The following TNR variants were observed in gnomAD, a reference collection of about 807,000 sequenced individuals.
TNR encodes tenascin-R.
Under a neutral mutation model 150.4 loss-of-function variants are expected in TNR, and 45 were observed. That is an observed-to-expected ratio of 0.30 (90% CI 0.24 to 0.38). The LOEUF is 0.38. TNR is among the 10% of genes least tolerant of loss of function. The probability of loss-of-function intolerance (pLI) is 1.00; values close to 1 mark genes in which losing one functional copy is unlikely to be tolerated. For missense variants in TNR, 1,544 were observed against 1,759.1 expected, an observed-to-expected ratio of 0.88 and a Z score of 2.19; for synonymous variants, 687 against 678.4, an observed-to-expected ratio of 1.01 and a Z score of -0.20.
intron 20 of TNR, among the ~76,000 whole-genome samples, chr1:175,334,978 C>G (rs1650157514): frequency 2.0e-5 from 3 of 152,232 alleles, no homozygotes; most frequent in Middle Eastern, 3.4e-3. Context: ...TCTAGGCACC[C>G]AGGAGAAGAA....
At chr1:175,385,648 T>C (rs970630140) in intron 8 of TNR, among the ~76,000 whole-genome samples, 4 of 152,212 alleles carry the variant, frequency 2.6e-5, no homozygotes. Context: ...GGTAAGAATG[T>C]GTCTTGAGAA....
chr1:175,381,791 CT>C (rs1268147940), intron 8 of TNR, among the ~76,000 whole-genome samples: 1 of 152,232 alleles, frequency 6.6e-6, no homozygotes, highest in Non-Finnish European at 1.5e-5. Context: ...CTGTTGCTTC[CT>C]TTTACAAACT....
chr1:175,616,429 AG>A (rs1663778527), intron 1 of TNR, among the ~76,000 whole-genome samples: 1 of 152,034 alleles, frequency 6.6e-6, no homozygotes, highest in Non-Finnish European at 1.5e-5. Flanking sequence ...GGGTGATGCT[AG>A]GTGTGCTCTG....
intron 1 of TNR, among the ~76,000 whole-genome samples, chr1:175,637,223 C>T (rs546622735): frequency 6.6e-6 from 1 of 152,270 alleles, no homozygotes; most frequent in Non-Finnish European, 1.5e-5. Context: ...TTCTAATGAT[C>T]CCTGATAAAT....
chr1:175,561,001 C>T (rs1014747182), intron 1 of TNR, among the ~76,000 whole-genome samples: 1 of 152,130 alleles, frequency 6.6e-6, no homozygotes, highest in African/African-American at 2.4e-5. Context: ...TCATCTTTAA[C>T]GTTGCATCTT....
intron 1 of TNR, among the ~76,000 whole-genome samples, chr1:175,549,198 T>A (rs1050928516): frequency 2.0e-5 from 3 of 152,246 alleles, no homozygotes; most frequent in African/African-American, 7.2e-5. Context: ...ACATGAGGTT[T>A]ACTCATTTGG....
At chr1:175,670,139 G>A (rs562016937) in intron 1 of TNR, among the ~76,000 whole-genome samples, 3 of 152,302 alleles carry the variant, frequency 2.0e-5, no homozygotes, top group East Asian at 3.9e-4. Flanking sequence ...GCCTGCATAG[G>A]CTCCAGATTG....
intron 1 of TNR, among the ~76,000 whole-genome samples, chr1:175,644,683 C>T (rs147892063): frequency 1.1e-4 from 17 of 152,346 alleles, no homozygotes; most frequent in African/African-American, 3.4e-4. Context: ...ATTCTGTCTT[C>T]CTTCTCCTGG....
At chr1:175,395,938 G>A (rs554798546) in intron 5 of TNR, among the ~76,000 whole-genome samples, 3 of 152,112 alleles carry the variant, frequency 2.0e-5, no homozygotes, top group Non-Finnish European at 2.9e-5. Context: ...ATTGCTTTCT[G>A]TCTCCATCTC....
At chr1:175,734,219 C>T (rs1000008955) in intron 1 of TNR, among the ~76,000 whole-genome samples, 6 of 152,224 alleles carry the variant, frequency 3.9e-5, no homozygotes, top group African/African-American at 9.6e-5. Context: ...CCTCAAAATA[C>T]ACCCTTCCTG....
chr1:175,499,178 C>T (rs1312143107), intron 2 of TNR, among the ~76,000 whole-genome samples: 2 of 152,130 alleles, frequency 1.3e-5, no homozygotes, highest in Non-Finnish European at 2.9e-5. Context: ...CAAATATATA[C>T]AGAAGAGGCA....
chr1:175,701,043 C>T (rs1355425468), intron 1 of TNR, among the ~76,000 whole-genome samples: 5 of 152,242 alleles, frequency 3.3e-5, no homozygotes, highest in African/African-American at 4.8e-5. Context: ...TTTCACTCCA[C>T]GCCCCTCCAC....
intron 1 of TNR, among the ~76,000 whole-genome samples, chr1:175,589,333 T>C (rs1662701271): frequency 6.6e-6 from 1 of 152,186 alleles, no homozygotes; most frequent in South Asian, 2.1e-4. Context: ...AGGCAGATAA[T>C]AGAATAAAAA....
intron 1 of TNR, among the ~76,000 whole-genome samples, chr1:175,737,582 G>A (rs763254816): frequency 1.3e-5 from 2 of 152,148 alleles, no homozygotes; most frequent in Non-Finnish European, 2.9e-5. Context: ...TAGCCACCCT[G>A]GGTTGATAAT....
Position 175,386,286 on chromosome 1 carries a change from G to C in TNR, c.1523C>G (p.Thr508Arg), listed in dbSNP as rs762128304. The part of the protein sequence containing the change: ...ASVSTVIDGP[T>R]QILVRDVSDT... Reference sequence around the variant, plus strand: ...CGAGACATCGCGAACCAGGATCTGCGTGGGGCCGTCAATGACTGAGTGAGA... The same window carrying C: ...CGAGACATCGCGAACCAGGATCTGCCTGGGGCCGTCAATGACTGAGTGAGA... Residue 508 changes from threonine (T) to arginine (R), a missense_variant, in exon 8 of 23, where the codon ACG becomes AGG. Coordinates refer to ENST00000367674, the MANE Select transcript of TNR (RefSeq NM_003285.3). 2.5e-6 allele frequency: 4 copies of C among 1,569,402 alleles called. No individual in the cohort carries two copies. The highest frequency in any genetic ancestry group is 3.5e-6 in the Non-Finnish European group (4 of 1,151,660).
chr1:175,530,258 G>T (rs1207897390), intron 1 of TNR, among the ~76,000 whole-genome samples: 4 of 152,154 alleles, frequency 2.6e-5, no homozygotes, highest in African/African-American at 4.8e-5. Flanking sequence ...CCTGGGGGAA[G>T]TACAGGAAGT....
At chr1:175,696,217 GTTTTTTTTTTTTTTTTT>G (rs5778870) in intron 1 of TNR, among the ~76,000 whole-genome samples, 2 of 40,460 alleles carry the variant, frequency 4.9e-5, no homozygotes, top group African/African-American at 1.5e-4. Context: ...CCTTCCTGTA[GTTTTTTTTTTTTTTTTT>G]TTTTTTTTTT....
At chr1:175,689,833 C>A (rs897120662) in intron 1 of TNR, among the ~76,000 whole-genome samples, 1 of 152,220 alleles carries the variant, frequency 6.6e-6, no homozygotes, top group Non-Finnish European at 1.5e-5. Flanking sequence ...CAGAGGGTTT[C>A]TTTCTCACTA....
intron 18 of TNR, among the ~76,000 whole-genome samples, chr1:175,342,294 A>C (rs1006272493): frequency 4.6e-5 from 7 of 152,206 alleles, no homozygotes; most frequent in African/African-American, 1.7e-4. Flanking sequence ...GGGATAGGGC[A>C]AAGGGTGACA....
Sources: allele counts gnomAD v4.1 joint callset (sites outside exome capture counted in the v4.1 genomes callset), GRCh38; gene constraint gnomAD v4.1.1; transcripts MANE v1.5; gene names NCBI Gene and HGNC (gene_info 2026-07-23, HGNC 2026-07-21).